Variants in ADGRV1 observed in about 807,000 individuals in gnomAD.
The protein encoded by ADGRV1 is G-protein coupled receptor 98.
ADGRV1 carries 359 observed loss-of-function variants against 596.2 expected under a neutral mutation model. The observed-to-expected ratio is 0.60, with a 90% CI of 0.55 to 0.66. ADGRV1 has a LOEUF of 0.66. Among genes scored for constraint, ADGRV1 ranks in the 30% least tolerant of loss-of-function variants. The pLI is 0.00. For missense variants in ADGRV1, 7,274 were observed against 7,575.6 expected, an observed-to-expected ratio of 0.96 and a Z score of 1.48; for synonymous variants, 2,681 against 2,679.2, an observed-to-expected ratio of 1.00 and a Z score of -0.02.
intron 1 of ADGRV1, among the ~76,000 whole-genome samples, chr5:90,561,043 C>T (rs1754758549): frequency 2.0e-5 from 3 of 152,120 alleles, no homozygotes; most frequent in African/African-American, 7.2e-5. Context: ...TAGTATGTCA[C>T]ATTTATTGAA....
intron 85 of ADGRV1, among the ~76,000 whole-genome samples, chr5:91,016,772 AT>A (rs1783207651): frequency 1.3e-5 from 2 of 151,920 alleles, no homozygotes; most frequent in African/African-American, 2.4e-5. Flanking sequence ...TTCAATAAAT[AT>A]TTTTTAAGCA....
intron 85 of ADGRV1, among the ~76,000 whole-genome samples, chr5:91,047,585 C>T (rs1182493320): frequency 6.6e-6 from 1 of 152,158 alleles, no homozygotes; most frequent in African/African-American, 2.4e-5. Context: ...ATTGTGCCCA[C>T]CCAGATGAAG....
intron 45 of ADGRV1, among the ~76,000 whole-genome samples, chr5:90,722,716 C>CAAAAAAA (rs55761821): frequency 4.3e-4 from 14 of 32,900 alleles, no homozygotes; most frequent in African/African-American, 1.5e-3. Context: ...AACTCCGTCT[C>CAAAAAAA]AAAAAAAAAA....
At chr5:90,708,983 A>C (rs1433567365) in intron 39 of ADGRV1, 74 bp downstream of exon 39, 1 of 995,890 alleles carries the variant, frequency 1.0e-6, no homozygotes, top group Non-Finnish European at 1.6e-6. Context: ...TTGAATCAGA[A>C]GTGATCATTG....
At chr5:90,914,859 C>G (rs900365114) in intron 83 of ADGRV1, among the ~76,000 whole-genome samples, 3 of 152,102 alleles carry the variant, frequency 2.0e-5, no homozygotes, top group Non-Finnish European at 2.9e-5. Context: ...ATGTTAATTG[C>G]CTTCAAGATC....
intron 20 of ADGRV1, among the ~76,000 whole-genome samples, chr5:90,656,585 G>A (rs1286860474): frequency 3.3e-5 from 5 of 152,174 alleles, no homozygotes; most frequent in Non-Finnish European, 7.3e-5. Context: ...CAGTGAAAAG[G>A]TGTTTCTGGT....
intron 41 of ADGRV1, among the ~76,000 whole-genome samples, chr5:90,711,808 G>A (rs748167834): frequency 4.2e-4 from 64 of 151,966 alleles, no homozygotes; most frequent in Non-Finnish European, 7.6e-4. Context: ...ACAAAGTCTC[G>A]CTCTCTCACT....
Position 90,810,870 on chromosome 5 carries a change from A to G in ADGRV1, c.15610A>G (p.Lys5204Glu), listed in dbSNP as rs774131655. Residue 5204 changes from lysine (K) to glutamate (E), a missense_variant, in exon 74 of 90, where the codon AAG (lysine) becomes GAG (glutamate). Around this residue, in one of 5 missense-constraint regions of ADGRV1, gnomAD observed 1,874 missense variants for 1,970.2 expected, o/e 0.95. Transcript: ENST00000405460. ...TCATGGCACACCTGCTGTGTCTGAA[A>G]AGCCTGATGTGGCCACTGTAACTGC... is the stretch of plus-strand genomic sequence containing the variant. Reference protein sequence around the residue: ...TLHGTPAVSEKPDVATVTANV... With the variant: ...TLHGTPAVSEEPDVATVTANV... The G allele has an allele frequency of 6.2e-7, 1 of 1,614,050 alleles. No homozygotes were observed. The highest frequency in any genetic ancestry group is 1.1e-5 in the South Asian group (1 of 91,084).
At chr5:90,733,742 A>G (rs1752846469) in intron 50 of ADGRV1, among the ~76,000 whole-genome samples, 1 of 152,196 alleles carries the variant, frequency 6.6e-6, no homozygotes, top group Non-Finnish European at 1.5e-5. Flanking sequence ...GGAATATTAA[A>G]TCAAGCTATT....
chr5:91,144,597 C>T lies in ADGRV1; in HGVS notation c.18433-5433C>T, dbSNP rs759429487. On this transcript the variant is annotated intron_variant, in intron 87 of 89. Coordinates refer to ENST00000405460, the MANE Select transcript of ADGRV1 (RefSeq NM_032119.4). Reference sequence around the variant, plus strand: ...CTGGGATTACAGGCATGAGCCACCACGCCCAATCTAACAAAAGACTTTTGA... The same window carrying T: ...CTGGGATTACAGGCATGAGCCACCATGCCCAATCTAACAAAAGACTTTTGA... Among the ~76,000 whole-genome samples the T allele has an allele frequency of 9.2e-5, 14 of 152,292 alleles. No homozygotes were observed. The South Asian group carries it at 1.0e-3, about 11-fold the overall frequency.
At chr5:90,919,330 T>C (rs1773666981) in intron 83 of ADGRV1, among the ~76,000 whole-genome samples, 1 of 152,212 alleles carries the variant, frequency 6.6e-6, no homozygotes, top group Non-Finnish European at 1.5e-5. Context: ...CAATGTTTTC[T>C]GATTACTAGA....
chr5:90,753,687 A>C lies in ADGRV1; in HGVS notation c.11235A>C (p.Glu3745Asp). 1.2e-6 allele frequency: 2 copies of C among 1,613,646 alleles called. No homozygotes were observed. The highest frequency in any genetic ancestry group is 1.7e-6 in the Non-Finnish European group (2 of 1,179,682). The part of the protein sequence containing the change: ...VIVTLTRITT[E>D]GVEDSYKGAT... Reference sequence around the variant, plus strand: ...TAACCCTCACCCGTATCACCACAGAAGGGGTTGAGGACTCATACAAAGGTG... The same window carrying C: ...TAACCCTCACCCGTATCACCACAGACGGGGTTGAGGACTCATACAAAGGTG... Residue 3745 changes from glutamate to aspartate, a missense_variant, in exon 54 of 90, where the codon GAA (glutamate) becomes GAC (aspartate). Coordinates refer to ENST00000405460, the MANE Select transcript of ADGRV1 (RefSeq NM_032119.4).
At chr5:90,728,993 T>C (rs1268143051) in intron 49 of ADGRV1, 60 bp downstream of exon 49, 6 of 1,164,704 alleles carry the variant, frequency 5.2e-6, no homozygotes, top group Non-Finnish European at 7.2e-6. Context: ...AGCATTCATA[T>C]GGTATATTTT....
At chr5:90,660,416 T>C (rs2149487846) in intron 21 of ADGRV1, among the ~76,000 whole-genome samples, 1 of 152,206 alleles carries the variant, frequency 6.6e-6, no homozygotes, top group East Asian at 1.9e-4. Flanking sequence ...GTGCTTGTAA[T>C]TATCTTCTGA....
rs777521443 is a variant in ADGRV1 at position 90,725,588 on chromosome 5, T to C, written c.10093T>C (p.Tyr3365His). 1.3e-5 allele frequency: 20 copies of C among 1,585,290 alleles called. No homozygotes were observed. In the East Asian group the frequency reaches 3.4e-4, roughly 27 times the overall value. Residue 3365 changes from tyrosine to histidine, a missense_variant, in exon 48 of 90, where the codon TAT (tyrosine) becomes CAT (histidine). This residue lies in a region of ADGRV1 where 3,643 missense variants were observed against 3,809.2 expected (regional missense o/e 0.96). Coordinates refer to ENST00000405460, the MANE Select transcript of ADGRV1 (RefSeq NM_032119.4). Reference protein sequence around the residue: ...IIILESSQVRYFTSDSQDYLI... With the variant: ...IIILESSQVRHFTSDSQDYLI... ...TATTCTGGAAAGTTCTCAAGTAAGA[T>C]ATTTTACTTCAGACAGCCAAGATTA...
intron 1 of ADGRV1, among the ~76,000 whole-genome samples, chr5:90,596,649 G>C (rs1278288903): frequency 6.6e-6 from 1 of 152,174 alleles, no homozygotes; most frequent in Non-Finnish European, 1.5e-5. Context: ...AACCAGTCAG[G>C]CGTGGCGGCG....
chr5:90,666,315 A>G (rs1771375006), intron 21 of ADGRV1, among the ~76,000 whole-genome samples: 1 of 152,142 alleles, frequency 6.6e-6, no homozygotes, highest in Admixed American at 6.5e-5. Context: ...GGGTGCATAT[A>G]TATTTAGGCT....
chr5:90,755,291 T>C, intron 55 of ADGRV1, 106 bp downstream of exon 55: 1 of 702,338 alleles, frequency 1.4e-6, no homozygotes, highest in Non-Finnish European at 2.3e-6. Context: ...AAAAGGATTC[T>C]TTTAAACATA....
rs1419013870 is a variant in ADGRV1, at chr5:90,594,291, TAGTG to T, written c.23-20536_23-20533del. Among the ~76,000 whole-genome samples, 10 of 152,028 alleles carry T rather than the reference TAGTG, an allele frequency of 6.6e-5. No homozygotes were observed. In the East Asian group the frequency reaches 1.2e-3, roughly 18 times the overall value. On this transcript the variant is annotated intron_variant, in intron 1 of 89. Transcript: ENST00000405460. Reference sequence around the variant, plus strand: ...AGTTACCTCCATGCTGTTCTCATGATAGTGAGTGAGTTCTTGTGAGTTGTGATAG... The same window carrying T: ...AGTTACCTCCATGCTGTTCTCATGATAGTGAGTTCTTGTGAGTTGTGATAG...
Sources: gnomAD v4.1 joint callset for allele counts (sites outside exome capture counted in the v4.1 genomes callset) on GRCh38, gnomAD v4.1.1 for gene constraint, gnomAD v4.1.1 regional missense constraint, MANE v1.5 for transcripts, NCBI Gene and HGNC (gene_info 2026-07-23, HGNC 2026-07-21) for gene names.